Variants in CORIN observed in about 807,000 individuals in gnomAD.
CORIN encodes corin, serine peptidase, also known as atrial natriuretic peptide-converting enzyme.
In CORIN, 117 loss-of-function variants were observed where a neutral mutation model predicts 125.3. The observed-to-expected ratio is 0.93, with a 90% CI of 0.80 to 1.09. The LOEUF is 1.09. Among genes scored for constraint, CORIN ranks in the 50% least tolerant of loss-of-function variants. CORIN has a pLI of 0.00. For missense variants in CORIN, 1,253 were observed against 1,306.7 expected, an observed-to-expected ratio of 0.96 and a Z score of 0.63; for synonymous variants, 450 against 466.4, an observed-to-expected ratio of 0.96 and a Z score of 0.45.
At chr4:47,704,964 C>T (rs538497519) in intron 5 of CORIN, among the ~76,000 whole-genome samples, 5 of 152,290 alleles carry the variant, frequency 3.3e-5, no homozygotes, top group Middle Eastern at 6.8e-3. Flanking sequence ...AGCCTGATCC[C>T]CTCAACTGGT....
chr4:47,759,176 A>G (rs1225524144), intron 4 of CORIN, among the ~76,000 whole-genome samples: 1 of 152,218 alleles, frequency 6.6e-6, no homozygotes, highest in Non-Finnish European at 1.5e-5. Flanking sequence ...ATCAACATGC[A>G]GAAGAATGAA....
At chr4:47,619,538 A>G (rs2109544598) in intron 19 of CORIN, among the ~76,000 whole-genome samples, 1 of 152,354 alleles carries the variant, frequency 6.6e-6, no homozygotes, top group Non-Finnish European at 1.5e-5. Context: ...GGCATTTTCT[A>G]ACTTCTTCTG....
chr4:47,608,956 C>T (rs1437463273), intron 19 of CORIN, among the ~76,000 whole-genome samples: 3 of 151,894 alleles, frequency 2.0e-5, no homozygotes, highest in Admixed American at 2.0e-4. Context: ...GAAAAATTTC[C>T]CTTCTCTCAC....
intron 19 of CORIN, among the ~76,000 whole-genome samples, chr4:47,613,906 T>G (rs1421901368): frequency 1.3e-5 from 2 of 151,732 alleles, no homozygotes; most frequent in African/African-American, 4.8e-5. Context: ...CATGTACACG[T>G]ACGTAACTAA....
At chr4:47,735,592 A>T (rs1335217166) in intron 5 of CORIN, among the ~76,000 whole-genome samples, 1 of 152,160 alleles carries the variant, frequency 6.6e-6, no homozygotes, top group Non-Finnish European at 1.5e-5. Context: ...TAGAGAGCCA[A>T]TGTTTTAAGT....
At chr4:47,635,772 G>T (rs1722999742) in intron 16 of CORIN, among the ~76,000 whole-genome samples, 1 of 152,160 alleles carries the variant, frequency 6.6e-6, no homozygotes, top group South Asian at 2.1e-4. Flanking sequence ...AAGCCAGATT[G>T]CAGTAGGTTT....
intron 1 of CORIN, 125 bp downstream of exon 1, chr4:47,837,762 G>A: frequency 2.3e-6 from 2 of 873,338 alleles, no homozygotes; most frequent in South Asian, 1.3e-5. Flanking sequence ...GCTCACCGGC[G>A]GCTGGGGAAG....
chr4:47,695,417 T>C (rs61761805), intron 5 of CORIN, among the ~76,000 whole-genome samples: 2 of 152,210 alleles, frequency 1.3e-5, no homozygotes, highest in Non-Finnish European at 2.9e-5. Flanking sequence ...CAAGATTCAA[T>C]AGCTCCTAAC....
chr4:47,816,983 G>A (rs1267224612), intron 1 of CORIN, among the ~76,000 whole-genome samples: 1 of 152,056 alleles, frequency 6.6e-6, no homozygotes, highest in African/African-American at 2.4e-5. Flanking sequence ...TGAGCAATAC[G>A]GTGTGGTCAG....
At position 47,837,969 on chromosome 4, in the gene CORIN, T is replaced by C; in HGVS notation, c.-20A>G. On this transcript the variant is annotated 5_prime_UTR_variant, in exon 1 of 22. Transcript: ENST00000273857. The stretch of plus-strand genomic sequence containing the variant: ...TTTCATGGATAAAAAGTCTCGCTTA[T>C]TCTTCTGTCCACTTTTATCTTGGTC... 6.2e-7 allele frequency: 1 copy of C among 1,610,574 alleles called. No homozygotes were observed. Among genetic ancestry groups the C allele is most frequent in the Non-Finnish European group, 8.5e-7 (1 of 1,179,998 alleles).
intron 1 of CORIN, among the ~76,000 whole-genome samples, chr4:47,821,479 T>C (rs970416380): frequency 2.6e-5 from 4 of 151,744 alleles, no homozygotes; most frequent in Admixed American, 1.3e-4. Context: ...AATATGTTAA[T>C]ACATACTTAT....
chr4:47,645,102 A>G lies in CORIN; in HGVS notation c.1936T>C (p.Tyr646His). ...TTACAGCAGTTTTTCTCGTCCATGT[A>G]ATCAGGGCAGTCTGGGAACCCATCG... Reference protein sequence around the residue: ...ICDGFPDCPDYMDEKNCSFCQ... With the variant: ...ICDGFPDCPDHMDEKNCSFCQ... The change falls in exon 14 of 22, where the codon TAC becomes CAC. Residue 646 changes from tyrosine (Y) to histidine (H), a missense_variant. Coordinates refer to ENST00000273857, the MANE Select transcript of CORIN (RefSeq NM_006587.4). The G allele has an allele frequency of 6.2e-7, 1 of 1,608,640 alleles. No homozygotes were observed. The highest frequency in any genetic ancestry group is 8.5e-7 in the Non-Finnish European group (1 of 1,177,106).
chr4:47,617,544 G>A (rs1217888384), intron 19 of CORIN, among the ~76,000 whole-genome samples: 6 of 152,298 alleles, frequency 3.9e-5, no homozygotes, highest in Middle Eastern at 3.4e-3. Flanking sequence ...GGAGTATGAC[G>A]TAAGGTCAGA....
Position 47,623,652 on chromosome 4 carries a change from T to C in CORIN, c.2459A>G (p.Gln820Arg), listed in dbSNP as rs573873768. The C allele has an allele frequency of 2.5e-6, 4 of 1,614,222 alleles. No homozygotes were observed. The South Asian group carries it at 4.4e-5, about 18-fold the overall frequency. ...PGRWPWQCSL[Q>R]SEPSGHICGC... ...ACAGATATGTCCACTGGGTTCACTC[T>C]GCAGAGAACACTGCCATGGCCACCT... The change falls in exon 19 of 22, where the codon CAG becomes CGG. Residue 820 changes from glutamine to arginine, a missense_variant. Transcript: ENST00000273857.
chr4:47,676,037 C>A (rs1291501141), intron 9 of CORIN, among the ~76,000 whole-genome samples: 1 of 152,118 alleles, frequency 6.6e-6, no homozygotes, highest in African/African-American at 2.4e-5. Context: ...GTAACTGGAG[C>A]TTCAACCACT....
At chr4:47,639,169 C>T (rs950772544) in intron 16 of CORIN, among the ~76,000 whole-genome samples, 8 of 151,962 alleles carry the variant, frequency 5.3e-5, no homozygotes, top group Non-Finnish European at 7.4e-5. Flanking sequence ...ACTACAATGC[C>T]GTTCTCTATA....
chr4:47,613,103 A>G (rs1721932426), intron 19 of CORIN, among the ~76,000 whole-genome samples: 1 of 152,218 alleles, frequency 6.6e-6, no homozygotes, highest in Admixed American at 6.5e-5. Flanking sequence ...ACCATCACAA[A>G]TAGTTGCAGT....
chr4:47,678,551 G>A (rs532763613), intron 8 of CORIN, among the ~76,000 whole-genome samples: 1 of 152,230 alleles, frequency 6.6e-6, no homozygotes, highest in East Asian at 1.9e-4. Context: ...TTATCTACTT[G>A]ACCTCATAAG....
intron 3 of CORIN, among the ~76,000 whole-genome samples, chr4:47,781,100 A>G (rs1730524940): frequency 6.6e-6 from 1 of 152,134 alleles, no homozygotes; most frequent in African/African-American, 2.4e-5. Context: ...TTAAATATTA[A>G]TGGATTAAAT....
Sources: allele counts gnomAD v4.1 joint callset (sites outside exome capture counted in the v4.1 genomes callset), GRCh38; gene constraint gnomAD v4.1.1; transcripts MANE v1.5; gene names NCBI Gene and HGNC (gene_info 2026-07-23, HGNC 2026-07-21).